Variants in MAN1C1 observed in about 807,000 individuals in gnomAD.
MAN1C1 encodes mannosyl-oligosaccharide 1,2-alpha-mannosidase IC.
MAN1C1 carries 49 observed loss-of-function variants against 71.5 expected under a neutral mutation model. That is an observed-to-expected ratio of 0.69 (90% CI 0.54 to 0.87). The LOEUF is 0.87. MAN1C1 is among the 40% of genes least tolerant of loss of function. MAN1C1 has a pLI of 0.00. For missense variants in MAN1C1, 743 were observed against 835.0 expected, an observed-to-expected ratio of 0.89 and a Z score of 1.36; for synonymous variants, 352 against 343.7, an observed-to-expected ratio of 1.02 and a Z score of -0.27.
intron 5 of MAN1C1, among the ~76,000 whole-genome samples, chr1:25,756,117 A>G (rs904023030): frequency 6.6e-6 from 1 of 152,240 alleles, no homozygotes; most frequent in African/African-American, 2.4e-5. Context: ...ACAGATCAGA[A>G]ACTTAGTAAC....
chr1:25,724,126 T>G (rs952689073), intron 2 of MAN1C1, among the ~76,000 whole-genome samples: 3 of 151,796 alleles, frequency 2.0e-5, no homozygotes, highest in African/African-American at 7.3e-5. Context: ...CCTCCCGGGT[T>G]CAAGCGATTC....
intron 1 of MAN1C1, among the ~76,000 whole-genome samples, chr1:25,633,727 C>T (rs1222568039): frequency 1.3e-5 from 2 of 152,132 alleles, no homozygotes; most frequent in Non-Finnish European, 2.9e-5. Context: ...TTCTGCCATT[C>T]TGCCAATCTG....
chr1:25,768,863 A>G (rs1005549167), intron 7 of MAN1C1, among the ~76,000 whole-genome samples: 1 of 148,342 alleles, frequency 6.7e-6, no homozygotes, highest in Non-Finnish European at 1.5e-5. Context: ...CACTCTCCCT[A>G]CACACACTCC....
intron 7 of MAN1C1, among the ~76,000 whole-genome samples, chr1:25,768,927 CTT>C: frequency 6.7e-6 from 1 of 149,048 alleles, no homozygotes; most frequent in Non-Finnish European, 1.5e-5. Context: ...ACACACTCCC[CTT>C]ACACACTACA....
chr1:25,674,240 G>C (rs1006643730), intron 1 of MAN1C1, among the ~76,000 whole-genome samples: 11 of 152,288 alleles, frequency 7.2e-5, no homozygotes, highest in African/African-American at 2.4e-4. Flanking sequence ...AATCCTTGTT[G>C]AGTCAAGGCC....
intron 1 of MAN1C1, among the ~76,000 whole-genome samples, chr1:25,636,275 C>T (rs1171047219): frequency 6.6e-6 from 1 of 152,110 alleles, no homozygotes; most frequent in African/African-American, 2.4e-5. Context: ...TTTACCAGGG[C>T]AGAGTTTTTT....
At chr1:25,768,732 T>C (rs1572208505) in intron 7 of MAN1C1, among the ~76,000 whole-genome samples, 4 of 54,848 alleles carry the variant, frequency 7.3e-5, no homozygotes, top group South Asian at 7.1e-4. Flanking sequence ...CTACATACAC[T>C]CCCCTCACAC....
intron 1 of MAN1C1, among the ~76,000 whole-genome samples, chr1:25,620,723 A>T (rs1234318046): frequency 6.6e-6 from 1 of 152,212 alleles, no homozygotes; most frequent in Non-Finnish European, 1.5e-5. Flanking sequence ...TGTTCTTATA[A>T]GATTTTAAAG....
chr1:25,623,984 A>C (rs1347318371), intron 1 of MAN1C1, among the ~76,000 whole-genome samples: 1 of 152,206 alleles, frequency 6.6e-6, no homozygotes, highest in African/African-American at 2.4e-5. Context: ...GGTTCTGTGC[A>C]CCTGCAGTCC....
At chr1:25,626,260 G>C (rs2124749906) in intron 1 of MAN1C1, among the ~76,000 whole-genome samples, 1 of 152,118 alleles carries the variant, frequency 6.6e-6, no homozygotes, top group Non-Finnish European at 1.5e-5. Flanking sequence ...AGCCTTTTTA[G>C]GTTTATAGTG....
chr1:25,724,709 A>G (rs2046810735), intron 2 of MAN1C1, among the ~76,000 whole-genome samples: 1 of 152,224 alleles, frequency 6.6e-6, no homozygotes, highest in African/African-American at 2.4e-5. Context: ...TGGCTCCGGA[A>G]CAGAGCACAC....
At position 25,618,128 on chromosome 1, in the gene MAN1C1, C is replaced by T; in HGVS notation, c.331C>T (p.Arg111Cys). 2 of 1,515,444 alleles carry T rather than the reference C, an allele frequency of 1.3e-6. No homozygotes were observed. The highest frequency in any genetic ancestry group is 2.6e-5 in the East Asian group (1 of 38,514). The allele number at this position is 1,515,444 out of a possible 1,614,324, so 93.9% of individuals were successfully genotyped here. ...CCGCCGCAGGAAAGGGGGGCTGCGG[C>T]GCACCCGCCCCACTGGACCCCGCGA... ...SPRRRKGGLR[R>C]TRPTGPREEA... The change falls in exon 1 of 12, where the codon CGC (arginine) becomes TGC (cysteine). Residue 111 changes from arginine to cysteine, a missense_variant. Physicochemically the swap from Arg to Cys is radical, Grantham distance 180 (BLOSUM62 -3). Coordinates refer to ENST00000374332, the MANE Select transcript of MAN1C1 (RefSeq NM_020379.4).
intron 7 of MAN1C1, among the ~76,000 whole-genome samples, chr1:25,767,800 C>G: frequency 7.6e-6 from 1 of 130,734 alleles, no homozygotes; most frequent in Non-Finnish European, 1.6e-5. Context: ...GCATTACACA[C>G]TCCCCTCACG....
intron 2 of MAN1C1, among the ~76,000 whole-genome samples, chr1:25,740,235 G>A (rs1396987621): frequency 1.3e-5 from 2 of 152,126 alleles, no homozygotes; most frequent in Non-Finnish European, 2.9e-5. Context: ...CAAGGAGCAG[G>A]TTTGGAGGCC....
At chr1:25,629,145 C>G (rs2045343193) in intron 1 of MAN1C1, among the ~76,000 whole-genome samples, 1 of 152,132 alleles carries the variant, frequency 6.6e-6, no homozygotes, top group South Asian at 2.1e-4. Context: ...GGTAGATCTA[C>G]TTATAGTTCT....
chr1:25,650,085 T>C (rs534911331), intron 1 of MAN1C1, among the ~76,000 whole-genome samples: 4 of 152,122 alleles, frequency 2.6e-5, no homozygotes, highest in Non-Finnish European at 5.9e-5. Context: ...TTTCTGACAC[T>C]CAAAGCAGGG....
intron 1 of MAN1C1, among the ~76,000 whole-genome samples, chr1:25,663,021 G>A (rs2045872503): frequency 6.6e-6 from 1 of 151,364 alleles, no homozygotes. Flanking sequence ...AACCTGGGAG[G>A]CAGAGGTTGC....
intron 2 of MAN1C1, among the ~76,000 whole-genome samples, chr1:25,693,070 C>G (rs1337034609): frequency 6.6e-6 from 1 of 152,100 alleles, no homozygotes; most frequent in Non-Finnish European, 1.5e-5. Context: ...TGCTTATTAG[C>G]CTACTGTTGA....
chr1:25,677,194 T>C (rs1572142045), intron 1 of MAN1C1, among the ~76,000 whole-genome samples: 1 of 152,346 alleles, frequency 6.6e-6, no homozygotes, highest in East Asian at 1.9e-4. Flanking sequence ...ACATCTTTTG[T>C]TTGAGGAAGA....
Sources: allele counts gnomAD v4.1 joint callset (sites outside exome capture counted in the v4.1 genomes callset), GRCh38; gene constraint gnomAD v4.1.1; transcripts MANE v1.5; gene names NCBI Gene and HGNC (gene_info 2026-07-23, HGNC 2026-07-21).